Variants in ZBTB7C observed in about 807,000 individuals in gnomAD.
ZBTB7C encodes zinc finger and BTB domain containing 7C.
ZBTB7C carries 8 observed loss-of-function variants against 25.7 expected under a neutral mutation model. That is an observed-to-expected ratio of 0.31 (90% CI 0.18 to 0.56). ZBTB7C has a LOEUF of 0.56. Among genes scored for constraint, ZBTB7C ranks in the 20% least tolerant of loss-of-function variants. The pLI, the probability that ZBTB7C is intolerant of heterozygous loss-of-function variation, is 0.91. For synonymous variants in ZBTB7C, 394 were observed against 369.0 expected (o/e 1.07, Z -0.78); for missense variants, 824 against 855.2 (o/e 0.96, Z 0.46).
At chr18:48,144,730 G>A (rs2040449068) in intron 3 of ZBTB7C, among the ~76,000 whole-genome samples, 1 of 152,188 alleles carries the variant, frequency 6.6e-6, no homozygotes, top group Non-Finnish European at 1.5e-5. Flanking sequence ...AGGACTCCAA[G>A]TGTGTGTCTT....
intron 2 of ZBTB7C, among the ~76,000 whole-genome samples, chr18:48,332,031 C>A (rs116359302): frequency 6.6e-6 from 1 of 152,162 alleles, no homozygotes; most frequent in African/African-American, 2.4e-5. Context: ...CATTACACAT[C>A]CTAAAAAATT....
At chr18:48,233,581 T>C (rs2043308386) in intron 2 of ZBTB7C, among the ~76,000 whole-genome samples, 1 of 152,242 alleles carries the variant, frequency 6.6e-6, no homozygotes, top group Non-Finnish European at 1.5e-5. Context: ...GGATGCCACC[T>C]GCTTTCCCCA....
chr18:48,253,156 G>A (rs1176326093), intron 2 of ZBTB7C, among the ~76,000 whole-genome samples: 1 of 152,034 alleles, frequency 6.6e-6, no homozygotes, highest in Non-Finnish European at 1.5e-5. Flanking sequence ...AATAGGCAGA[G>A]CCTTCCAGGG....
intron 3 of ZBTB7C, among the ~76,000 whole-genome samples, chr18:48,183,677 T>C (rs761869611): frequency 2.0e-5 from 3 of 152,178 alleles, no homozygotes; most frequent in African/African-American, 4.8e-5. Context: ...CTGTACCTAC[T>C]CCCCAGCTGC....
intron 3 of ZBTB7C, among the ~76,000 whole-genome samples, chr18:48,132,030 C>G (rs2040001699): frequency 6.6e-6 from 1 of 152,178 alleles, no homozygotes; most frequent in Non-Finnish European, 1.5e-5. Context: ...AGCAATTCCA[C>G]TCCTAGGTAT....
intron 3 of ZBTB7C, among the ~76,000 whole-genome samples, chr18:48,143,075 T>A (rs2040397496): frequency 6.6e-6 from 1 of 152,086 alleles, no homozygotes; most frequent in Non-Finnish European, 1.5e-5. Flanking sequence ...TCCAGATCAT[T>A]CAGCCCCATC....
At chr18:48,237,963 A>G (rs555808001) in intron 2 of ZBTB7C, among the ~76,000 whole-genome samples, 5 of 152,338 alleles carry the variant, frequency 3.3e-5, no homozygotes, top group South Asian at 4.1e-4. Flanking sequence ...TACAAACACA[A>G]TGTTCTGTGT....
chr18:48,101,741 A>G (rs1019863197), intron 3 of ZBTB7C, among the ~76,000 whole-genome samples: 1 of 152,178 alleles, frequency 6.6e-6, no homozygotes, highest in Non-Finnish European at 1.5e-5. Context: ...AGTGTTACCA[A>G]CCGGTATGGA....
intron 3 of ZBTB7C, among the ~76,000 whole-genome samples, chr18:48,137,912 G>A (rs982937130): frequency 1.3e-5 from 2 of 152,194 alleles, no homozygotes; most frequent in Non-Finnish European, 2.9e-5. Flanking sequence ...CCTCTCCTTC[G>A]AGCCTTCTTG....
intron 2 of ZBTB7C, among the ~76,000 whole-genome samples, chr18:48,280,291 G>A (rs927963116): frequency 6.6e-6 from 1 of 151,984 alleles, no homozygotes; most frequent in Non-Finnish European, 1.5e-5. Context: ...ATAACTGAGG[G>A]CACTCCTCGA....
At chr18:48,365,686 C>T (rs1383485463) in intron 1 of ZBTB7C, among the ~76,000 whole-genome samples, 2 of 151,988 alleles carry the variant, frequency 1.3e-5, no homozygotes, top group African/African-American at 4.8e-5. Flanking sequence ...CATGCAGAGA[C>T]TCCTAGCCCA....
At chr18:48,330,805 G>A (rs901982861) in intron 2 of ZBTB7C, among the ~76,000 whole-genome samples, 3 of 152,050 alleles carry the variant, frequency 2.0e-5, no homozygotes, top group Middle Eastern at 3.2e-3. Context: ...GCTGGGCAGG[G>A]GGAGCATCTA....
At chr18:48,281,663 C>G (rs1369255409) in intron 2 of ZBTB7C, among the ~76,000 whole-genome samples, 1 of 152,190 alleles carries the variant, frequency 6.6e-6, no homozygotes, top group Non-Finnish European at 1.5e-5. Context: ...TATGAACAGA[C>G]ACTTCTCAAA....
At chr18:48,316,958 C>A (rs1249681479) in intron 2 of ZBTB7C, among the ~76,000 whole-genome samples, 1 of 152,154 alleles carries the variant, frequency 6.6e-6, no homozygotes, top group South Asian at 2.1e-4. Flanking sequence ...ATAATTCACG[C>A]GAACTTGTCT....
intron 3 of ZBTB7C, among the ~76,000 whole-genome samples, chr18:48,127,623 C>G (rs2039847157): frequency 6.6e-6 from 1 of 152,212 alleles, no homozygotes; most frequent in Non-Finnish European, 1.5e-5. Flanking sequence ...CTCCCAGGGC[C>G]CCACTGTTCT....
chr18:48,392,121 A>G (rs2047916933), intron 1 of ZBTB7C, among the ~76,000 whole-genome samples: 1 of 152,166 alleles, frequency 6.6e-6, no homozygotes, highest in Admixed American at 6.5e-5. Context: ...GAAGGCCTCT[A>G]AGTAAGAATC....
At chr18:48,056,452 G>A (rs1335349501) in intron 3 of ZBTB7C, among the ~76,000 whole-genome samples, 1 of 152,082 alleles carries the variant, frequency 6.6e-6, no homozygotes, top group Non-Finnish European at 1.5e-5. Context: ...CAGAAGTAGG[G>A]GGACCAGCCC....
At chr18:48,208,406 C>A (rs1201521383) in intron 2 of ZBTB7C, among the ~76,000 whole-genome samples, 1 of 151,906 alleles carries the variant, frequency 6.6e-6, no homozygotes. Context: ...GCTGGCTGTT[C>A]TAGAAGAAAT....
At chr18:48,297,258 T>C (rs2045421654) in intron 2 of ZBTB7C, among the ~76,000 whole-genome samples, 1 of 152,242 alleles carries the variant, frequency 6.6e-6, no homozygotes. Context: ...TTCAAAAGTA[T>C]TGACATATGG....
Sources: allele counts gnomAD v4.1 joint callset (sites outside exome capture counted in the v4.1 genomes callset), GRCh38; gene constraint gnomAD v4.1.1; transcripts MANE v1.5; gene names NCBI Gene and HGNC (gene_info 2026-07-23, HGNC 2026-07-21).